The following USP12 variants were observed in gnomAD, a reference collection of about 807,000 sequenced individuals.
USP12 encodes the protein ubiquitin carboxyl-terminal hydrolase 12.
A neutral mutation model predicts 45.5 loss-of-function variants in USP12; 19 were observed. That is an observed-to-expected ratio of 0.42 (90% CI 0.29 to 0.61). The LOEUF is 0.61. Among genes scored for constraint, USP12 ranks in the 20% least tolerant of loss-of-function variants. The pLI is 0.22. For synonymous variants in USP12, 149 were observed against 148.8 expected (o/e 1.00, Z -0.01); for missense variants, 242 against 447.7 (o/e 0.54, Z 4.15).
At position 27,171,642 on chromosome 13, in the gene USP12, G is replaced by T; in HGVS notation, c.-3C>A. ...GAGACTGTCATTAGGATTTCCATCC[G>T]GCCAGCGCCATCTTCCACCCAATCA... On this transcript the variant is annotated 5_prime_UTR_variant, in exon 1 of 9. Coordinates refer to ENST00000282344, the MANE Select transcript of USP12 (RefSeq NM_182488.4). The T allele has an allele frequency of 7.8e-7, 1 of 1,284,158 alleles. No individual in the cohort carries two copies. The highest frequency in any genetic ancestry group is 5.8e-5 in the East Asian group (1 of 17,222). The allele number at this position is 1,284,158 out of a possible 1,614,324, so 79.5% of individuals were successfully genotyped here. A position where few individuals can be genotyped will look rare whatever the true frequency, so the allele number is the denominator to read the frequency against.
chr13:27,131,624 G>A (rs561597039), intron 1 of USP12, among the ~76,000 whole-genome samples: 1 of 152,268 alleles, frequency 6.6e-6, no homozygotes, highest in South Asian at 2.1e-4. Flanking sequence ...AAAAGTCTGA[G>A]GTTAGCTTCC....
intron 2 of USP12, among the ~76,000 whole-genome samples, chr13:27,112,411 G>A (rs1459721644): frequency 6.6e-6 from 1 of 151,344 alleles, no homozygotes; most frequent in Non-Finnish European, 1.5e-5. Flanking sequence ...AGTCTGTGGA[G>A]TAACTGGGAC....
intron 4 of USP12, among the ~76,000 whole-genome samples, chr13:27,094,486 A>G (rs1242385583): frequency 6.6e-6 from 1 of 152,198 alleles, no homozygotes; most frequent in Non-Finnish European, 1.5e-5. Flanking sequence ...TGGGCGACAG[A>G]GCAAGAACCT....
At chr13:27,153,813 C>CT (rs2137834521) in intron 1 of USP12, among the ~76,000 whole-genome samples, 1 of 152,356 alleles carries the variant, frequency 6.6e-6, no homozygotes, top group Admixed American at 6.5e-5. Flanking sequence ...CTTATCATCT[C>CT]TTTTCTTAGC....
In USP12 at chr13:27,111,431, T is replaced by C. The variant is rs1423849507; in HGVS notation, c.129+5085A>G. Among the ~76,000 whole-genome samples, 5 of 152,344 alleles carry C rather than the reference T, an allele frequency of 3.3e-5. No individual in the cohort carries two copies. In the East Asian group the frequency reaches 9.6e-4, roughly 29 times the overall value. The stretch of plus-strand genomic sequence containing the variant: ...ATTGCTTTAGTGCTGAAATCTATGC[T>C]GTGTTATCTCAGCTGGTTTTGAAAA... On this transcript the variant is annotated intron_variant, in intron 2 of 8. Coordinates refer to ENST00000282344, the MANE Select transcript of USP12 (RefSeq NM_182488.4).
At position 27,105,981 on chromosome 13, in the gene USP12, G is replaced by A. The variant is rs139497530; in HGVS notation, c.130-37C>T. ...AAAAAAAAGTTTTGTTAAATTTAGG[G>A]CAACACATTTTCAAGAGAGAAATTC... On this transcript the variant is annotated intron_variant, in intron 2 of 8. Transcript: ENST00000282344. The A allele has an allele frequency of 2.6e-4, 403 of 1,543,560 alleles. 1 individual carries two copies. The African/African-American group carries it at 4.7e-3, about 18-fold the overall frequency.
intron 6 of USP12, among the ~76,000 whole-genome samples, chr13:27,079,572 C>T (rs992888481): frequency 6.6e-6 from 1 of 152,152 alleles, no homozygotes; most frequent in East Asian, 1.9e-4. Context: ...ACTACCCAGC[C>T]GCAGGCAAGC....
At chr13:27,154,175 T>C (rs1233786511) in intron 1 of USP12, among the ~76,000 whole-genome samples, 1 of 152,238 alleles carries the variant, frequency 6.6e-6, no homozygotes, top group Non-Finnish European at 1.5e-5. Context: ...TCCAAGATTA[T>C]CTTTTAATGA....
intron 6 of USP12, among the ~76,000 whole-genome samples, chr13:27,085,637 T>C (rs1297765853): frequency 6.6e-6 from 1 of 151,926 alleles, no homozygotes; most frequent in Non-Finnish European, 1.5e-5. Flanking sequence ...TATCACACCA[T>C]AAATTAACAG....
intron 1 of USP12, among the ~76,000 whole-genome samples, chr13:27,146,586 CGATGTTGGCTTATAAGTAGGTTCA>C (rs1877319381): frequency 6.6e-6 from 1 of 152,052 alleles, no homozygotes; most frequent in Non-Finnish European, 1.5e-5. Context: ...TGCAGAGCTC[CGATGTTGGCTTATAAGTAGGTTCA>C]GAGTCAGTTA....
intron 1 of USP12, among the ~76,000 whole-genome samples, chr13:27,134,911 A>T (rs1876727541): frequency 6.6e-6 from 1 of 152,266 alleles, no homozygotes; most frequent in African/African-American, 2.4e-5. Context: ...ACAGACGTAC[A>T]CTTAAATGAA....
intron 1 of USP12, among the ~76,000 whole-genome samples, chr13:27,123,013 AC>A (rs1486324075): frequency 7.4e-6 from 1 of 135,692 alleles, no homozygotes; most frequent in East Asian, 2.0e-4. Flanking sequence ...AATGGCGTGA[AC>A]CTGGGAGGCG....
intron 2 of USP12, among the ~76,000 whole-genome samples, chr13:27,107,425 C>T (rs1018678467): frequency 2.6e-5 from 4 of 151,976 alleles, no homozygotes; most frequent in Non-Finnish European, 4.4e-5. Context: ...ATGTTAATAC[C>T]CTTAGGAACC....
At chr13:27,104,868 T>G (rs1468224584) in intron 3 of USP12, among the ~76,000 whole-genome samples, 1 of 152,210 alleles carries the variant, frequency 6.6e-6, no homozygotes, top group Non-Finnish European at 1.5e-5. Flanking sequence ...ACAAATCAAC[T>G]AAAAATGCCA....
chr13:27,084,693 C>T (rs1172269526), intron 6 of USP12, among the ~76,000 whole-genome samples: 1 of 152,114 alleles, frequency 6.6e-6, no homozygotes, highest in Non-Finnish European at 1.5e-5. Flanking sequence ...TGATGAAGAT[C>T]AGTTGCCTGT....
At chr13:27,101,975 G>A (rs955374236) in intron 3 of USP12, among the ~76,000 whole-genome samples, 3 of 151,846 alleles carry the variant, frequency 2.0e-5, no homozygotes, top group Admixed American at 6.6e-5. Flanking sequence ...ACTGACAACC[G>A]TGCCTGCCAC....
At chr13:27,084,672 C>A (rs1398201856) in intron 6 of USP12, among the ~76,000 whole-genome samples, 1 of 152,092 alleles carries the variant, frequency 6.6e-6, no homozygotes, top group Non-Finnish European at 1.5e-5. Flanking sequence ...TGTATTCATT[C>A]TTAGCACCCT....
intron 6 of USP12, among the ~76,000 whole-genome samples, chr13:27,082,866 A>T (rs1873827842): frequency 2.0e-5 from 3 of 151,992 alleles, no homozygotes; most frequent in African/African-American, 7.2e-5. Flanking sequence ...ACAGAGTTTC[A>T]CTCTTGTTGC....
At chr13:27,171,382 GC>G in intron 1 of USP12, among the ~76,000 whole-genome samples, 1 of 146,822 alleles carries the variant, frequency 6.8e-6, no homozygotes, top group Middle Eastern at 3.5e-3. Flanking sequence ...ACCAGGCGGC[GC>G]CCCCTCCCCA....
Sources: allele counts gnomAD v4.1 joint callset (sites outside exome capture counted in the v4.1 genomes callset), GRCh38; gene constraint gnomAD v4.1.1; transcripts MANE v1.5; gene names NCBI Gene and HGNC (gene_info 2026-07-23, HGNC 2026-07-21).